Variants in ATP6V1H observed in about 807,000 individuals in gnomAD.
The protein encoded by ATP6V1H is V-type proton ATPase subunit H.
In ATP6V1H, 39 loss-of-function variants were observed where a neutral mutation model predicts 71.7. That is an observed-to-expected ratio of 0.54 (90% confidence interval 0.42 to 0.71). The LOEUF is 0.71. Ranked by LOEUF, ATP6V1H falls within the 30% of genes least tolerant of loss-of-function variation. ATP6V1H has a pLI of 0.00. For synonymous variants in ATP6V1H, 192 were observed against 199.3 expected (o/e 0.96, Z 0.31); for missense variants, 509 against 594.9 (o/e 0.86, Z 1.50).
chr8:53,829,760 T>C (rs1237582784), intron 3 of ATP6V1H, among the ~76,000 whole-genome samples: 2 of 152,332 alleles, frequency 1.3e-5, no homozygotes, highest in East Asian at 1.9e-4. Context: ...TTTCAGAATG[T>C]TTACTATTTT....
intron 8 of ATP6V1H, among the ~76,000 whole-genome samples, chr8:53,800,527 A>G (rs1809876588): frequency 6.6e-6 from 1 of 152,214 alleles, no homozygotes; most frequent in Non-Finnish European, 1.5e-5. Flanking sequence ...GAGTCTCTAG[A>G]TAGCTATATC....
intron 8 of ATP6V1H, among the ~76,000 whole-genome samples, chr8:53,796,196 C>T (rs1180229968): frequency 6.6e-6 from 1 of 152,052 alleles, no homozygotes; most frequent in Non-Finnish European, 1.5e-5. Context: ...AATAAGACCA[C>T]CGATAGCTTT....
intron 6 of ATP6V1H, among the ~76,000 whole-genome samples, chr8:53,812,985 A>G (rs957623582): frequency 2.6e-5 from 4 of 152,282 alleles, no homozygotes; most frequent in African/African-American, 9.6e-5. Context: ...ATAAGCCACC[A>G]CACCAGGCCT....
At chr8:53,742,109 C>T (rs1807433161) in intron 13 of ATP6V1H, among the ~76,000 whole-genome samples, 1 of 152,226 alleles carries the variant, frequency 6.6e-6, no homozygotes. Flanking sequence ...AGGCCCTACA[C>T]GATCAGGTCT....
chr8:53,769,774 T>A, intron 10 of ATP6V1H, 31 bp from the exon 11 acceptor site: 1 of 1,565,816 alleles, frequency 6.4e-7, no homozygotes, highest in Non-Finnish European at 8.7e-7. Context: ...ATTCAAGGTT[T>A]ATAAGAATCT....
chr8:53,796,422 A>AAG (rs1253482371), intron 8 of ATP6V1H, among the ~76,000 whole-genome samples: 1 of 152,170 alleles, frequency 6.6e-6, no homozygotes, highest in Non-Finnish European at 1.5e-5. Context: ...AGGTTACACC[A>AAG]AGAGACAGAA....
At chr8:53,798,770 C>T (rs2130426235) in intron 8 of ATP6V1H, among the ~76,000 whole-genome samples, 1 of 152,314 alleles carries the variant, frequency 6.6e-6, no homozygotes, top group African/African-American at 2.4e-5. Flanking sequence ...GCCCATTTCT[C>T]CACCTAAAGG....
At chr8:53,798,222 T>G (rs184518478) in intron 8 of ATP6V1H, among the ~76,000 whole-genome samples, 2 of 152,114 alleles carry the variant, frequency 1.3e-5, no homozygotes, top group African/African-American at 4.8e-5. Flanking sequence ...ATGTGCTGGG[T>G]TTTTTTAAGA....
chr8:53,724,496 G>T, intron 13 of ATP6V1H, among the ~76,000 whole-genome samples: 1 of 151,752 alleles, frequency 6.6e-6, no homozygotes. Flanking sequence ...CCAGAAGACT[G>T]AGTAAGGGCC....
intron 10 of ATP6V1H, among the ~76,000 whole-genome samples, chr8:53,770,015 A>T (rs1358504954): frequency 6.6e-6 from 1 of 152,088 alleles, no homozygotes; most frequent in Non-Finnish European, 1.5e-5. Flanking sequence ...CAAAATCCTT[A>T]CTCCAATATA....
In ATP6V1H at chr8:53,821,430, T is replaced by C. The variant is rs192179571; in HGVS notation, c.307-3900A>G. Among the ~76,000 whole-genome samples, 340 of 150,776 alleles carry C rather than the reference T, an allele frequency of 2.3e-3. 2 individuals carry two copies. The highest frequency in any genetic ancestry group is 7.9e-3 in the African/African-American group (323 of 41,068). On this transcript the variant is annotated intron_variant, in intron 4 of 13. Transcript: ENST00000359530. ...AGGTGCGATGGCTCACACCTGAATC[T>C]CAGAATTCTGGGAGCCAAGGCAGGC...
intron 13 of ATP6V1H, 32 bp downstream of exon 13, chr8:53,743,545 T>C (rs375992310): frequency 7.4e-6 from 11 of 1,490,154 alleles, no homozygotes; most frequent in Admixed American, 1.7e-5. Flanking sequence ...TGCAGACTAA[T>C]GTACAAGTGT....
intron 13 of ATP6V1H, among the ~76,000 whole-genome samples, chr8:53,718,384 A>AT (rs35145366): frequency 0.043 from 5,178 of 121,762 alleles, 186 homozygotes; most frequent in African/African-American, 0.077. Flanking sequence ...CTCCTACACA[A>AT]TTTTTTTTTT....
At chr8:53,753,733 A>C (rs1206605452) in intron 12 of ATP6V1H, among the ~76,000 whole-genome samples, 1 of 152,188 alleles carries the variant, frequency 6.6e-6, no homozygotes, top group Admixed American at 6.5e-5. Flanking sequence ...TTATTAGCTA[A>C]ATTTATATTT....
chr8:53,751,807 C>T (rs1160416734), intron 12 of ATP6V1H, among the ~76,000 whole-genome samples: 3 of 151,904 alleles, frequency 2.0e-5, no homozygotes, highest in Non-Finnish European at 4.4e-5. Flanking sequence ...GTAGCTGGGA[C>T]TACAGGCTCA....
intron 5 of ATP6V1H, among the ~76,000 whole-genome samples, chr8:53,815,219 A>G (rs1479787086): frequency 6.6e-6 from 1 of 152,202 alleles, no homozygotes; most frequent in African/African-American, 2.4e-5. Context: ...TTAGGATAAT[A>G]TACATCCTAG....
chr8:53,757,578 G>GT (rs957744473), intron 11 of ATP6V1H, among the ~76,000 whole-genome samples: 3 of 152,118 alleles, frequency 2.0e-5, no homozygotes, highest in Admixed American at 6.5e-5. Context: ...CAGAATGAAT[G>GT]TTTTTTAAAT....
intron 12 of ATP6V1H, among the ~76,000 whole-genome samples, chr8:53,748,380 A>C (rs148606354): frequency 6.6e-6 from 1 of 152,210 alleles, no homozygotes; most frequent in South Asian, 2.1e-4. Flanking sequence ...GAATTAGTCT[A>C]TATTCAATAA....
At chr8:53,808,338 T>A (rs1810159076) in intron 7 of ATP6V1H, among the ~76,000 whole-genome samples, 1 of 152,236 alleles carries the variant, frequency 6.6e-6, no homozygotes, top group Non-Finnish European at 1.5e-5. Context: ...AGAAAAGACT[T>A]ACAATCCATG....
Sources: gnomAD v4.1 joint callset for allele counts (sites outside exome capture counted in the v4.1 genomes callset) on GRCh38, gnomAD v4.1.1 for gene constraint, MANE v1.5 for transcripts, NCBI Gene and HGNC (gene_info 2026-07-23, HGNC 2026-07-21) for gene names.